Variants in ATP8A1 observed in about 807,000 individuals in gnomAD.
ATP8A1 encodes phospholipid-transporting ATPase IA.
ATP8A1 carries 90 observed loss-of-function variants against 177.7 expected under a neutral mutation model. That is an observed-to-expected ratio of 0.51 (90% CI 0.43 to 0.60). ATP8A1 has a LOEUF of 0.60. Ranked by LOEUF, ATP8A1 falls within the 20% of genes least tolerant of loss-of-function variation. The pLI is 0.00. For synonymous variants in ATP8A1, 493 were observed against 485.9 expected, an observed-to-expected ratio of 1.01 and a Z score of -0.19; for missense variants, 1,072 against 1,392.8, an observed-to-expected ratio of 0.77 and a Z score of 3.67.
At chr4:42,413,489 C>T (rs1712858983) in intron 36 of ATP8A1, among the ~76,000 whole-genome samples, 1 of 152,202 alleles carries the variant, frequency 6.6e-6, no homozygotes, top group Admixed American at 6.5e-5. Flanking sequence ...GGAATGGCTT[C>T]AGGGACCCCC....
At chr4:42,468,096 C>T (rs999789958) in intron 25 of ATP8A1, among the ~76,000 whole-genome samples, 3 of 151,866 alleles carry the variant, frequency 2.0e-5, no homozygotes, top group African/African-American at 7.3e-5. Context: ...GGTGTGGATA[C>T]GGTGATCAGG....
At chr4:42,620,204 T>C (rs1476976201) in intron 4 of ATP8A1, among the ~76,000 whole-genome samples, 1 of 152,218 alleles carries the variant, frequency 6.6e-6, no homozygotes, top group East Asian at 1.9e-4. Flanking sequence ...TAAATTGTTA[T>C]TTGATTTGTC....
chr4:42,470,624 A>G (rs1043180700), intron 25 of ATP8A1, among the ~76,000 whole-genome samples: 11 of 152,190 alleles, frequency 7.2e-5, no homozygotes, highest in African/African-American at 2.7e-4. Flanking sequence ...ATATAATATG[A>G]TCTCAAAGAC....
chr4:42,467,601 G>A (rs958527852), intron 25 of ATP8A1, among the ~76,000 whole-genome samples: 1 of 152,216 alleles, frequency 6.6e-6, no homozygotes, highest in Non-Finnish European at 1.5e-5. Flanking sequence ...GCTGAGTCAG[G>A]AGAATCGCTT....
At chr4:42,631,248 G>A (rs1394510556) in intron 1 of ATP8A1, among the ~76,000 whole-genome samples, 1 of 152,146 alleles carries the variant, frequency 6.6e-6, no homozygotes, top group African/African-American at 2.4e-5. Context: ...AAAGCCTGAT[G>A]AATTAACAAG....
chr4:42,506,270 TG>T (rs1220953730), intron 23 of ATP8A1, among the ~76,000 whole-genome samples: 5 of 152,170 alleles, frequency 3.3e-5, no homozygotes. Context: ...TGAATAGGAC[TG>T]GTGCCCTTAT....
At chr4:42,576,115 C>T (rs1197006300) in intron 12 of ATP8A1, among the ~76,000 whole-genome samples, 1 of 152,082 alleles carries the variant, frequency 6.6e-6, no homozygotes, top group East Asian at 1.9e-4. Context: ...GGTCTTCAAA[C>T]CCCTGGAAAA....
intron 6 of ATP8A1, among the ~76,000 whole-genome samples, chr4:42,594,593 A>C (rs1340536282): frequency 6.6e-6 from 1 of 152,134 alleles, no homozygotes; most frequent in Non-Finnish European, 1.5e-5. Flanking sequence ...GATAAAATCA[A>C]TCTATTCTAT....
chr4:42,536,320 C>T (rs1019162236), intron 20 of ATP8A1, among the ~76,000 whole-genome samples: 2 of 152,194 alleles, frequency 1.3e-5, no homozygotes, highest in Non-Finnish European at 2.9e-5. Context: ...TTCAAGGCTA[C>T]TGTGAACACC....
chr4:42,546,686 T>A (rs1728971089), intron 19 of ATP8A1, among the ~76,000 whole-genome samples: 2 of 152,022 alleles, frequency 1.3e-5, no homozygotes, highest in Admixed American at 1.3e-4. Flanking sequence ...CCATCACTCA[T>A]CTATCCCCTT....
intron 25 of ATP8A1, among the ~76,000 whole-genome samples, chr4:42,483,926 A>G (rs761584454): frequency 2.0e-5 from 3 of 152,234 alleles, no homozygotes; most frequent in Admixed American, 6.5e-5. Flanking sequence ...AAGTAGGCAC[A>G]TAACAGATGA....
intron 35 of ATP8A1, among the ~76,000 whole-genome samples, chr4:42,420,596 T>C (rs915760523): frequency 3.3e-5 from 5 of 152,128 alleles, no homozygotes; most frequent in African/African-American, 4.8e-5. Context: ...ATTGAAGTCA[T>C]TGGTAGACAA....
At chr4:42,439,235 C>T (rs1716352556) in intron 33 of ATP8A1, among the ~76,000 whole-genome samples, 1 of 152,110 alleles carries the variant, frequency 6.6e-6, no homozygotes, top group African/African-American at 2.4e-5. Flanking sequence ...ACAAGAGAAA[C>T]TCTTAGGAAT....
At chr4:42,497,309 T>C (rs536700870) in intron 24 of ATP8A1, among the ~76,000 whole-genome samples, 1 of 152,272 alleles carries the variant, frequency 6.6e-6, no homozygotes, top group Admixed American at 6.5e-5. Flanking sequence ...TGGCACATAG[T>C]AGGTTTCCTA....
intron 9 of ATP8A1, among the ~76,000 whole-genome samples, chr4:42,584,811 C>T (rs1415922223): frequency 6.6e-6 from 1 of 152,196 alleles, no homozygotes; most frequent in African/African-American, 2.4e-5. Flanking sequence ...CAACAGCCTC[C>T]TGGACATCTC....
chr4:42,529,016 G>A (rs976260092), intron 20 of ATP8A1, among the ~76,000 whole-genome samples: 1 of 152,160 alleles, frequency 6.6e-6, no homozygotes, highest in Non-Finnish European at 1.5e-5. Context: ...TGCCTAGTGG[G>A]CTTATGTGGA....
chr4:42,615,147 C>T (rs959351001), intron 5 of ATP8A1, among the ~76,000 whole-genome samples: 38 of 152,124 alleles, frequency 2.5e-4, no homozygotes, highest in African/African-American at 8.0e-4. Context: ...TTATATGTTC[C>T]ATAATAAAAT....
chr4:42,594,987 TAA>T (rs1734584650), intron 6 of ATP8A1, among the ~76,000 whole-genome samples: 1 of 152,146 alleles, frequency 6.6e-6, no homozygotes, highest in African/African-American at 2.4e-5. Context: ...GGCATAAAGA[TAA>T]AGAGATACTA....
At position 42,485,619 on chromosome 4, in the gene ATP8A1, A is replaced by G. The variant is rs574809709; in HGVS notation, c.2201T>C (p.Leu734Pro). 7 of 1,613,786 alleles carry G rather than the reference A, an allele frequency of 4.3e-6. No homozygotes were observed. In the Admixed American group the frequency reaches 5.0e-5, roughly 12 times the overall value. ...AAGAGCAAAATCATTCTCTTTCCGG[A>G]GAGCATCACCAAGGGTAGTACAGTG... ...SRHCTTLGDALRKENDFALII... is the reference protein window; with the variant it reads ...SRHCTTLGDAPRKENDFALII... Residue 734 changes from leucine (L) to proline (P), a missense_variant, in exon 25 of 37, where the codon CTC becomes CCC. Transcript: ENST00000381668.
Sources: gnomAD v4.1 joint callset for allele counts (sites outside exome capture counted in the v4.1 genomes callset) on GRCh38, gnomAD v4.1.1 for gene constraint, MANE v1.5 for transcripts, NCBI Gene and HGNC (gene_info 2026-07-23, HGNC 2026-07-21) for gene names.